RAC1: variants seen among roughly 807,000 people sequenced by gnomAD.
RAC1 encodes Rac family small GTPase 1.
Under a neutral mutation model 25.2 loss-of-function variants are expected in RAC1, and 2 were observed. That is an observed-to-expected ratio of 0.08 (90% CI 0.03 to 0.25). The LOEUF (loss-of-function observed/expected upper bound fraction) is 0.25, where lower values mean the gene tolerates loss of function less well. Among genes scored for constraint, RAC1 ranks in the 10% least tolerant of loss-of-function variants. RAC1 has a pLI of 1.00. For synonymous variants in RAC1, 88 were observed against 94.0 expected, an observed-to-expected ratio of 0.94 and a Z score of 0.37; for missense variants, 50 against 235.7, an observed-to-expected ratio of 0.21 and a Z score of 5.16.
chr7:6,397,774 G>A (rs1783286149), intron 3 of RAC1, among the ~76,000 whole-genome samples: 2 of 152,154 alleles, frequency 1.3e-5, no homozygotes, highest in Non-Finnish European at 2.9e-5. Flanking sequence ...GAGCACCTGA[G>A]GTCAAGAGTT....
intron 1 of RAC1, among the ~76,000 whole-genome samples, chr7:6,379,352 G>T (rs942635750): frequency 6.9e-6 from 1 of 144,870 alleles, no homozygotes; most frequent in African/African-American, 2.6e-5. Flanking sequence ...TCGGCTCACT[G>T]CAACCTCCTC....
At chr7:6,398,664 T>G (rs1408615189) in intron 3 of RAC1, 1 of 1,613,842 alleles carries the variant, frequency 6.2e-7, no homozygotes, top group Non-Finnish European at 8.5e-7. Context: ...ATTACTAGGT[T>G]GGAGAAACGT....
chr7:6,402,437 G>C lies in RAC1; in HGVS notation c.570G>C (p.Leu190=), dbSNP rs745582281. ...PPVKKRKRKC[L]LL ...TGAAGAAGAGGAAGAGAAAATGCCT[G>C]CTGTTGTAAATGTCTCAGCCCCTCG... The change falls in exon 6 of 6, where the codon CTG becomes CTC. Residue 190 remains leucine (L), a synonymous_variant. Transcript: ENST00000348035. 1.6e-5 allele frequency: 25 copies of C among 1,528,430 alleles called. No homozygotes were observed. The highest frequency in any genetic ancestry group is 1.9e-5 in the Non-Finnish European group (22 of 1,140,016). 94.7% of individuals were successfully genotyped at this position (1,528,430 alleles called of 1,614,324 possible).
intron 3 of RAC1, chr7:6,398,597 G>A (rs1783312240): frequency 1.5e-6 from 2 of 1,367,004 alleles, no homozygotes; most frequent in South Asian, 1.2e-5. Context: ...TCGATAAGAG[G>A]TTATATTGAT....
chr7:6,383,143 G>C (rs1014179180), intron 1 of RAC1, among the ~76,000 whole-genome samples: 3 of 152,174 alleles, frequency 2.0e-5, no homozygotes, highest in African/African-American at 7.2e-5. Context: ...TTCCAAAGAA[G>C]TAGTAACTAC....
In RAC1 at chr7:6,392,059, C is replaced by T. The variant is rs836478; in HGVS notation, c.225+18C>T. ...CGCAAACAGTAAGGATTGCAGCTGA[C>T]TTTTAATGTGTCTTTTAGAGTATAT... On this transcript the variant is annotated intron_variant, in intron 3 of 5. Coordinates refer to ENST00000348035, the MANE Select transcript of RAC1 (RefSeq NM_006908.5). 822,079 of 1,613,614 alleles carry T rather than the reference C, an allele frequency of 0.51. 218,566 individuals are homozygous for T. Among genetic ancestry groups the T allele is most frequent in the East Asian group, 0.91 (40,679 of 44,874 alleles).
intron 1 of RAC1, among the ~76,000 whole-genome samples, chr7:6,379,056 A>C (rs1268082436): frequency 6.6e-6 from 1 of 152,082 alleles, no homozygotes; most frequent in Non-Finnish European, 1.5e-5. Flanking sequence ...GTGCCACTGC[A>C]CTCCAGCCTG....
At chr7:6,396,181 C>T (rs376358923) in intron 3 of RAC1, among the ~76,000 whole-genome samples, 24 of 152,174 alleles carry the variant, frequency 1.6e-4, no homozygotes, top group African/African-American at 5.3e-4. Context: ...GCCTGAGGCT[C>T]CAGAACACAC....
At chr7:6,382,112 GCCT>G (rs1382026636) in intron 1 of RAC1, among the ~76,000 whole-genome samples, 1 of 152,012 alleles carries the variant, frequency 6.6e-6, no homozygotes, top group Non-Finnish European at 1.5e-5. Flanking sequence ...TTCTGCCTCA[GCCT>G]CCTGAGTAGC....
chr7:6,400,916 C>G (rs923700598), intron 4 of RAC1, among the ~76,000 whole-genome samples: 1 of 152,118 alleles, frequency 6.6e-6, no homozygotes, highest in African/African-American at 2.4e-5. Context: ...CTCAGGTGAT[C>G]CGCGCGTCTC....
chr7:6,384,405 G>T (rs1459333325), intron 1 of RAC1, among the ~76,000 whole-genome samples: 3 of 152,194 alleles, frequency 2.0e-5, no homozygotes. Context: ...TTTAAAACCT[G>T]TGACTTTCCA....
intron 1 of RAC1, among the ~76,000 whole-genome samples, chr7:6,384,677 C>T (rs1038340204): frequency 3.9e-5 from 6 of 152,082 alleles, no homozygotes; most frequent in African/African-American, 1.2e-4. Context: ...CCCTATGTTG[C>T]CCAGGCTGGT....
At chr7:6,380,925 A>G (rs375891942) in intron 1 of RAC1, among the ~76,000 whole-genome samples, 44 of 151,656 alleles carry the variant, frequency 2.9e-4, no homozygotes, top group East Asian at 2.7e-3. Flanking sequence ...CTGGAGTGCA[A>G]TGGCATGATC....
At chr7:6,375,386 GC>G (rs1307958939) in intron 1 of RAC1, among the ~76,000 whole-genome samples, 1 of 152,018 alleles carries the variant, frequency 6.6e-6, no homozygotes, top group Non-Finnish European at 1.5e-5. Flanking sequence ...ACCACGCCTG[GC>G]TAATCTTTAA....
chr7:6,398,586 A>G (rs35761891), intron 3 of RAC1: 55,689 of 1,279,172 alleles, frequency 0.044, 1,524 homozygotes, highest in Middle Eastern at 0.061. Flanking sequence ...CTAATAAAGA[A>G]TCGATAAGAG....
chr7:6,377,664 C>T (rs1017073533), intron 1 of RAC1, among the ~76,000 whole-genome samples: 1 of 152,144 alleles, frequency 6.6e-6, no homozygotes, highest in Non-Finnish European at 1.5e-5. Flanking sequence ...CCTGTAATCC[C>T]AGCACTTTGG....
At chr7:6,399,155 G>A (rs1783332262) in intron 3 of RAC1, among the ~76,000 whole-genome samples, 1 of 152,210 alleles carries the variant, frequency 6.6e-6, no homozygotes, top group Admixed American at 6.6e-5. Flanking sequence ...CCGTGCTTGA[G>A]ATGGTGTGCT....
chr7:6,385,107 A>G (rs1168762686), intron 1 of RAC1, among the ~76,000 whole-genome samples: 1 of 152,182 alleles, frequency 6.6e-6, no homozygotes, highest in Non-Finnish European at 1.5e-5. Flanking sequence ...TGCCTGGCCT[A>G]AAAATATTTT....
At chr7:6,388,149 C>G (rs900388369) in intron 2 of RAC1, among the ~76,000 whole-genome samples, 6 of 151,964 alleles carry the variant, frequency 3.9e-5, no homozygotes, top group African/African-American at 1.5e-4. Context: ...AAGTGCTGCT[C>G]TGGTGATGGG....
Sources: allele counts gnomAD v4.1 joint callset (sites outside exome capture counted in the v4.1 genomes callset), GRCh38; gene constraint gnomAD v4.1.1; transcripts MANE v1.5; gene names NCBI Gene and HGNC (gene_info 2026-07-23, HGNC 2026-07-21).